The following TFCP2L1 variants were observed in gnomAD, a reference collection of about 807,000 sequenced individuals.
TFCP2L1 encodes transcription factor CP2-like protein 1.
Under a neutral mutation model 72.2 loss-of-function variants are expected in TFCP2L1, and 12 were observed. The observed-to-expected ratio is 0.17, with a 90% CI of 0.11 to 0.27. TFCP2L1 has a LOEUF of 0.27. TFCP2L1 is among the 10% of genes least tolerant of loss of function. The probability of loss-of-function intolerance (pLI) is 1.00; values close to 1 mark genes in which losing one functional copy is unlikely to be tolerated. For synonymous variants in TFCP2L1, 260 were observed against 251.0 expected, an observed-to-expected ratio of 1.04 and a Z score of -0.34; for missense variants, 488 against 624.6, an observed-to-expected ratio of 0.78 and a Z score of 2.33.
At chr2:121,271,019 G>A (rs745605634) in intron 2 of TFCP2L1, among the ~76,000 whole-genome samples, 2 of 151,612 alleles carry the variant, frequency 1.3e-5, no homozygotes, top group South Asian at 2.1e-4. Context: ...GTGAAACCCC[G>A]TCTCTATTAA....
chr2:121,224,007 T>G lies in TFCP2L1; in HGVS notation c.*334A>C. On this transcript the variant is annotated 3_prime_UTR_variant, in exon 15 of 15. Transcript: ENST00000263707. ...ATACAGGCAGCACCAAGATACCCAA[T>G]CAGCTTCCAACTAAGGGATGAGGGA... is the stretch of plus-strand genomic sequence containing the variant. The G allele has an allele frequency of 2.9e-6, 1 of 350,236 alleles. No individual in the cohort carries two copies. Among genetic ancestry groups the G allele is most frequent in the African/African-American group, 2.1e-5 (1 of 48,540 alleles). 21.7% of individuals were successfully genotyped at this position (350,236 alleles called of 1,614,324 possible). A position where few individuals can be genotyped will look rare whatever the true frequency, so the allele number is the denominator to read the frequency against.
At chr2:121,243,245 G>A (rs559935277) in intron 6 of TFCP2L1, among the ~76,000 whole-genome samples, 1 of 152,368 alleles carries the variant, frequency 6.6e-6, no homozygotes, top group South Asian at 2.1e-4. Flanking sequence ...CTAGAACCGA[G>A]CAGTTTTACT....
chr2:121,247,500 T>G (rs1686513442), intron 5 of TFCP2L1, among the ~76,000 whole-genome samples: 1 of 151,736 alleles, frequency 6.6e-6, no homozygotes, highest in South Asian at 2.1e-4. Flanking sequence ...TACATAACTG[T>G]AATAATAACA....
At chr2:121,264,725 C>T (rs1172622188) in intron 2 of TFCP2L1, among the ~76,000 whole-genome samples, 2 of 152,154 alleles carry the variant, frequency 1.3e-5, no homozygotes, top group African/African-American at 2.4e-5. Flanking sequence ...GGTTCCCGTG[C>T]GCTTCGGGGG....
At position 121,237,690 on chromosome 2, in the gene TFCP2L1, C is replaced by G; in HGVS notation, c.936G>C (p.Gln312His). The G allele has an allele frequency of 6.2e-7, 1 of 1,614,208 alleles. No homozygotes were observed. Among genetic ancestry groups the G allele is most frequent in the Non-Finnish European group, 8.5e-7 (1 of 1,180,034 alleles). Reference protein sequence around the residue: ...SDHLLPSASIQDAQQWLHRNR... With the variant: ...SDHLLPSASIHDAQQWLHRNR... ...TGCGGTGAAGCCACTGCTGGGCATC[C>G]TGGATCGAAGCTGATGGGAGCAGGT... Residue 312 changes from glutamine to histidine, a missense_variant, in exon 10 of 15, where the codon CAG becomes CAC. Coordinates refer to ENST00000263707, the MANE Select transcript of TFCP2L1 (RefSeq NM_014553.3).
At chr2:121,248,136 C>A (rs778951082) in intron 5 of TFCP2L1, 28 bp downstream of exon 5, 8 of 1,605,714 alleles carry the variant, frequency 5.0e-6, no homozygotes, top group East Asian at 2.2e-5. Context: ...TAGGTCTTCC[C>A]CTGGAGGGCA....
At chr2:121,275,566 GTCT>G (rs1455836702) in intron 2 of TFCP2L1, among the ~76,000 whole-genome samples, 8 of 143,852 alleles carry the variant, frequency 5.6e-5, no homozygotes, top group African/African-American at 2.0e-4. Flanking sequence ...ATAGAAGTAA[GTCT>G]TTTTTTTTTT....
Position 121,235,270 on chromosome 2 carries a change from T to C in TFCP2L1, c.1045A>G (p.Ile349Val). The change falls in exon 11 of 15, where the codon ATC becomes GTC. Residue 349 changes from isoleucine (I) to valine (V), a missense_variant. By Grantham distance (29) the Ile-to-Val change is conservative. This residue lies in a region of TFCP2L1 where 286 missense variants were observed against 329.0 expected (regional missense o/e 0.87). Transcript: ENST00000263707. ...CGGATCCCATCTGCGGGACCACAGA[T>C]CTGGACCAAATCATCTCGGGACATC... The part of the protein sequence containing the change: ...LKMSRDDLVQ[I>V]CGPADGIRLF... 1 of 1,613,944 alleles carries C rather than the reference T, an allele frequency of 6.2e-7. No individual in the cohort carries two copies. The highest frequency in any genetic ancestry group is 8.5e-7 in the Non-Finnish European group (1 of 1,179,990).
chr2:121,250,763 C>T (rs1165995983), intron 2 of TFCP2L1, among the ~76,000 whole-genome samples: 1 of 151,250 alleles, frequency 6.6e-6, no homozygotes, highest in South Asian at 2.1e-4. Flanking sequence ...CCTGCCACCA[C>T]GCCCAGCTAA....
chr2:121,274,390 C>T (rs1003850150), intron 2 of TFCP2L1, among the ~76,000 whole-genome samples: 2 of 152,116 alleles, frequency 1.3e-5, no homozygotes, highest in African/African-American at 2.4e-5. Flanking sequence ...TCCACATGGG[C>T]GGCTGAGATC....
At chr2:121,241,063 T>G (rs1334785880) in intron 7 of TFCP2L1, among the ~76,000 whole-genome samples, 2 of 152,130 alleles carry the variant, frequency 1.3e-5, no homozygotes, top group Non-Finnish European at 2.9e-5. Context: ...CCTTACCACA[T>G]GGAGGGCCTT....
chr2:121,236,811 C>CT (rs1410076427), intron 10 of TFCP2L1, among the ~76,000 whole-genome samples: 1 of 152,136 alleles, frequency 6.6e-6, no homozygotes, highest in East Asian at 1.9e-4. Context: ...ACAGCCGGCA[C>CT]TCCTCCCCCA....
At chr2:121,235,407 G>A (rs1305718828) in intron 10 of TFCP2L1, 96 bp from the exon 11 acceptor site, 22 of 1,234,134 alleles carry the variant, frequency 1.8e-5, no homozygotes, top group Non-Finnish European at 2.1e-5. Flanking sequence ...TGGGGGTGGG[G>A]GGTGGGGAAG....
At position 121,224,059 on chromosome 2, in the gene TFCP2L1, GC is replaced by G; in HGVS notation, c.*281del. 1 of 499,448 alleles carries G rather than the reference GC, an allele frequency of 2.0e-6. No homozygotes were observed. The highest frequency in any genetic ancestry group is 3.6e-6 in the Non-Finnish European group (1 of 278,250). 30.9% of individuals were successfully genotyped at this position (499,448 alleles called of 1,614,324 possible). A position where few individuals can be genotyped will look rare whatever the true frequency, so the allele number is the denominator to read the frequency against. ...TTCAGAGCAGACGTCTCCACTGTTTGCCCTTTTAGAACGTCAGGGTTGGACC... is the reference window on the plus strand; with the variant it reads ...TTCAGAGCAGACGTCTCCACTGTTTGCCTTTTAGAACGTCAGGGTTGGACC... On this transcript the variant is annotated 3_prime_UTR_variant, in exon 15 of 15. Transcript: ENST00000263707.
intron 2 of TFCP2L1, among the ~76,000 whole-genome samples, chr2:121,253,873 C>T (rs907288562): frequency 6.6e-6 from 1 of 152,210 alleles, no homozygotes; most frequent in African/African-American, 2.4e-5. Flanking sequence ...CAGCCACCCT[C>T]TGCATGCCTA....
intron 2 of TFCP2L1, among the ~76,000 whole-genome samples, chr2:121,259,020 G>A (rs1011702104): frequency 6.6e-6 from 1 of 152,184 alleles, no homozygotes; most frequent in African/African-American, 2.4e-5. Flanking sequence ...GGCCAAGGCA[G>A]GTGGATCACT....
At chr2:121,233,454 G>A (rs981601793) in intron 12 of TFCP2L1, among the ~76,000 whole-genome samples, 6 of 152,100 alleles carry the variant, frequency 3.9e-5, no homozygotes, top group East Asian at 1.9e-4. Context: ...CATGAGCCAC[G>A]GCGCCCAGCC....
intron 11 of TFCP2L1, among the ~76,000 whole-genome samples, chr2:121,234,649 T>C (rs1056956793): frequency 8.5e-5 from 13 of 152,190 alleles, no homozygotes; most frequent in African/African-American, 2.9e-4. Flanking sequence ...TCTAAAACCA[T>C]GCTGTCCATG....
At chr2:121,277,881 TTTAA>T (rs1393313910) in intron 2 of TFCP2L1, among the ~76,000 whole-genome samples, 2 of 152,210 alleles carry the variant, frequency 1.3e-5, no homozygotes, top group African/African-American at 4.8e-5. Context: ...TTAATTTTGT[TTTAA>T]TTGTCTTCCT....
Sources: gnomAD v4.1 joint callset for allele counts (sites outside exome capture counted in the v4.1 genomes callset) on GRCh38, gnomAD v4.1.1 for gene constraint, gnomAD v4.1.1 regional missense constraint, MANE v1.5 for transcripts, NCBI Gene and HGNC (gene_info 2026-07-23, HGNC 2026-07-21) for gene names.